SOX5: variants seen among roughly 807,000 people sequenced by gnomAD.
SOX5 encodes SRY-box transcription factor 5, also known as transcription factor SOX-5.
A neutral mutation model predicts 92.0 loss-of-function variants in SOX5; 9 were observed. The ratio of observed to expected loss-of-function variants is 0.10; its 90% CI spans 0.06 to 0.17. SOX5 has a LOEUF of 0.17. Ranked by LOEUF, SOX5 falls within the 10% of genes least tolerant of loss-of-function variation. SOX5 has a pLI of 1.00. For missense variants in SOX5, 642 were observed against 944.5 expected, an observed-to-expected ratio of 0.68 and a Z score of 4.20; for synonymous variants, 344 against 336.3, an observed-to-expected ratio of 1.02 and a Z score of -0.25.
intron 4 of SOX5, among the ~76,000 whole-genome samples, chr12:23,968,881 T>C (rs1392430139): frequency 6.6e-6 from 1 of 152,204 alleles, no homozygotes; most frequent in East Asian, 1.9e-4. Context: ...ATTTCTCACT[T>C]TTCCCTCTCC....
At chr12:24,219,664 CCTCT>C (rs2139777666) in intron 3 of SOX5, among the ~76,000 whole-genome samples, 1 of 152,154 alleles carries the variant, frequency 6.6e-6, no homozygotes, top group South Asian at 2.1e-4. Context: ...AAGTGTCTAA[CCTCT>C]CTGTTTAGTT....
intron 3 of SOX5, among the ~76,000 whole-genome samples, chr12:24,221,443 T>C (rs1306222305): frequency 3.9e-5 from 6 of 152,206 alleles, no homozygotes; most frequent in Non-Finnish European, 5.9e-5. Context: ...GATGAATAAA[T>C]GTATTCATGA....
At chr12:23,805,435 A>C (rs2095752702) in intron 3 of SOX5, among the ~76,000 whole-genome samples, 1 of 152,164 alleles carries the variant, frequency 6.6e-6, no homozygotes, top group South Asian at 2.1e-4. Flanking sequence ...AATGCCTGAA[A>C]AAAAAACATA....
chr12:23,935,708 A>G (rs1416498533), intron 1 of SOX5, among the ~76,000 whole-genome samples: 1 of 151,138 alleles, frequency 6.6e-6, no homozygotes, highest in Admixed American at 6.6e-5. Context: ...GAAAATTAGA[A>G]GTTTATATCA....
intron 2 of SOX5, among the ~76,000 whole-genome samples, chr12:23,875,921 T>A (rs993894778): frequency 1.3e-5 from 2 of 152,190 alleles, no homozygotes; most frequent in Non-Finnish European, 2.9e-5. Context: ...CGGGCCTCTA[T>A]TGGAAATACT....
chr12:24,266,052 G>GTC (rs1157360832), intron 3 of SOX5, among the ~76,000 whole-genome samples: 8 of 144,858 alleles, frequency 5.5e-5, no homozygotes, highest in African/African-American at 2.1e-4. Context: ...GTGTGTGTGT[G>GTC]TGTGTGTGTG....
intron 4 of SOX5, among the ~76,000 whole-genome samples, chr12:24,051,507 T>C (rs1367208358): frequency 1.3e-5 from 2 of 152,180 alleles, no homozygotes; most frequent in Admixed American, 6.5e-5. Context: ...CATAATCATA[T>C]GGAATTCATT....
rs751611995 is a variant in SOX5 at position 23,546,361 on chromosome 12, A to T, written c.1552T>A (p.Phe518Ile). The change falls in exon 12 of 15, where the codon TTT becomes ATT. Residue 518 changes from phenylalanine to isoleucine, a missense_variant. By Grantham distance (21) the Phe-to-Ile change is conservative. This residue lies in a region of SOX5 where 324 missense variants were observed against 461.6 expected (regional missense o/e 0.70). Coordinates refer to ENST00000451604, the MANE Select transcript of SOX5 (RefSeq NM_006940.6). The part of the protein sequence containing the change: ...LAVKQNEEGK[F>I]SHAMMDFNLS... ...TTGAAATCCATCATTGCATGGCTAAATTTTCCTTCTTCATTCTGTTTAACT... is the reference window on the plus strand; with the variant it reads ...TTGAAATCCATCATTGCATGGCTAATTTTTCCTTCTTCATTCTGTTTAACT... The T allele has an allele frequency of 6.2e-7, 1 of 1,610,038 alleles. No individual in the cohort carries two copies. The highest frequency in any genetic ancestry group is 1.3e-5 in the African/African-American group (1 of 74,746).
chr12:24,127,962 C>T (rs190684937), intron 4 of SOX5, among the ~76,000 whole-genome samples: 1 of 152,290 alleles, frequency 6.6e-6, no homozygotes. Flanking sequence ...CCTAGCACAG[C>T]CTCCTAGGAT....
chr12:23,972,911 T>C (rs925754749), intron 4 of SOX5, among the ~76,000 whole-genome samples: 9 of 152,122 alleles, frequency 5.9e-5, no homozygotes, highest in African/African-American at 2.2e-4. Flanking sequence ...ACTAAAACTA[T>C]TCCTCTAGTC....
At chr12:23,844,232 G>A (rs1012141052) in intron 3 of SOX5, among the ~76,000 whole-genome samples, 2 of 152,216 alleles carry the variant, frequency 1.3e-5, no homozygotes, top group African/African-American at 4.8e-5. Context: ...AGCAATGAGA[G>A]AGAGTATCCT....
chr12:24,413,720 A>G (rs976654410), intron 1 of SOX5, among the ~76,000 whole-genome samples: 5 of 152,218 alleles, frequency 3.3e-5, no homozygotes, highest in African/African-American at 9.7e-5. Flanking sequence ...TAAATGGCCC[A>G]GTCATCGATA....
chr12:23,804,915 T>TTTTATA (rs1168376435), intron 3 of SOX5, among the ~76,000 whole-genome samples: 1 of 75,048 alleles, frequency 1.3e-5, no homozygotes. Flanking sequence ...TATCATTGTT[T>TTTTATA]TATATATATA....
intron 4 of SOX5, among the ~76,000 whole-genome samples, chr12:24,053,038 A>G (rs1316357492): frequency 6.6e-6 from 1 of 152,174 alleles, no homozygotes; most frequent in East Asian, 1.9e-4. Context: ...CTGCCTTTGT[A>G]AAACTTAGAG....
intron 4 of SOX5, among the ~76,000 whole-genome samples, chr12:24,147,498 A>C (rs1262938395): frequency 2.0e-5 from 3 of 152,190 alleles, no homozygotes; most frequent in Admixed American, 1.3e-4. Context: ...AATGAACACT[A>C]CCTCTTAAGA....
At chr12:24,269,578 A>AAAATATAT (rs1943432298) in intron 3 of SOX5, among the ~76,000 whole-genome samples, 1 of 152,288 alleles carries the variant, frequency 6.6e-6, no homozygotes, top group East Asian at 1.9e-4. Context: ...AGAAGTACTC[A>AAAATATAT]AAATATATGT....
intron 9 of SOX5, among the ~76,000 whole-genome samples, chr12:23,588,733 ACACAC>A (rs765708448): frequency 2.0e-4 from 31 of 151,690 alleles, no homozygotes; most frequent in Non-Finnish European, 3.8e-4. Flanking sequence ...ACACACACAC[ACACAC>A]ACACACACAC....
intron 3 of SOX5, among the ~76,000 whole-genome samples, chr12:24,228,671 CGT>C (rs905108986): frequency 6.6e-6 from 1 of 151,832 alleles, no homozygotes; most frequent in Non-Finnish European, 1.5e-5. Flanking sequence ...CGTGTGTGTG[CGT>C]GTGTGTGTCT....
At chr12:23,877,543 C>T (rs866421753) in intron 2 of SOX5, among the ~76,000 whole-genome samples, 1 of 151,880 alleles carries the variant, frequency 6.6e-6, no homozygotes, top group Non-Finnish European at 1.5e-5. Flanking sequence ...GTATTCAATG[C>T]GATATTACTT....
Sources: allele counts gnomAD v4.1 joint callset (sites outside exome capture counted in the v4.1 genomes callset), GRCh38; gene constraint gnomAD v4.1.1; regional missense constraint gnomAD v4.1.1; transcripts MANE v1.5; gene names NCBI Gene and HGNC (gene_info 2026-07-23, HGNC 2026-07-21).